The following CNOT2 variants were observed in gnomAD, a reference collection of about 807,000 sequenced individuals.
CNOT2 encodes the protein CC chemokine receptor 4-negative regulator of transcription 2.
CNOT2 carries 7 observed loss-of-function variants against 72.1 expected under a neutral mutation model. That is an observed-to-expected ratio of 0.10 (90% CI 0.06 to 0.18). The LOEUF is 0.18. Ranked by LOEUF, CNOT2 falls within the 10% of genes least tolerant of loss-of-function variation. The pLI is 1.00. For synonymous variants in CNOT2, 196 were observed against 225.6 expected, an observed-to-expected ratio of 0.87 and a Z score of 1.17; for missense variants, 345 against 660.3, an observed-to-expected ratio of 0.52 and a Z score of 5.23.
chr12:70,344,368 T>C, intron 14 of CNOT2, 140 bp downstream of exon 14: 1 of 586,630 alleles, frequency 1.7e-6, no homozygotes, highest in Non-Finnish European at 3.0e-6. Context: ...TAAAGTGAAT[T>C]TAATTTAGAT....
At chr12:70,265,121 GT>G (rs1240023440) in intron 1 of CNOT2, among the ~76,000 whole-genome samples, 1 of 151,672 alleles carries the variant, frequency 6.6e-6, no homozygotes, top group African/African-American at 2.4e-5. Context: ...TTGTTTTCTT[GT>G]TTTTAGTTTT....
intron 4 of CNOT2, among the ~76,000 whole-genome samples, chr12:70,325,126 CTGAGGAG>C (rs1345535898): frequency 2.0e-5 from 3 of 151,642 alleles, no homozygotes; most frequent in Non-Finnish European, 4.4e-5. Context: ...AGTATTCTTG[CTGAGGAG>C]TTAGATATGA....
At chr12:70,342,960 A>G (rs897620825) in intron 13 of CNOT2, among the ~76,000 whole-genome samples, 22 of 152,170 alleles carry the variant, frequency 1.4e-4, no homozygotes, top group Admixed American at 1.2e-3. Flanking sequence ...TATATATACA[A>G]CAGCATTCTG....
At chr12:70,346,376 T>C (rs766280502) in intron 15 of CNOT2, 52 bp downstream of exon 15, 2 of 1,459,584 alleles carry the variant, frequency 1.4e-6, no homozygotes, top group Non-Finnish European at 9.6e-7. Context: ...AAAAAAGAAG[T>C]GTCCTCTTTT....
chr12:70,256,582 TA>T (rs372870920), intron 1 of CNOT2, among the ~76,000 whole-genome samples: 142 of 108,426 alleles, frequency 1.3e-3, no homozygotes, highest in Middle Eastern at 4.5e-3. Flanking sequence ...GACCTGTGGG[TA>T]AAAAAAAAAA....
intron 1 of CNOT2, among the ~76,000 whole-genome samples, chr12:70,246,589 T>C (rs1957885729): frequency 6.6e-6 from 1 of 152,328 alleles, no homozygotes; most frequent in East Asian, 1.9e-4. Context: ...GAGCAGTTTC[T>C]ACCTGTGATA....
intron 4 of CNOT2, chr12:70,323,938 T>C (rs1878687488): frequency 6.6e-6 from 1 of 151,742 alleles, no homozygotes; most frequent in African/African-American, 2.4e-5. Flanking sequence ...CTAATATTTA[T>C]TGAATATTAT....
At chr12:70,279,825 T>TC (rs1869499061) in intron 2 of CNOT2, among the ~76,000 whole-genome samples, 1 of 152,182 alleles carries the variant, frequency 6.6e-6, no homozygotes, top group African/African-American at 2.4e-5. Flanking sequence ...AGAATTATGT[T>TC]TTATACATGA....
At position 70,354,774 on chromosome 12, in the gene CNOT2, G is replaced by A. The variant is rs995849230; in HGVS notation, c.*859G>A. The A allele has an allele frequency of 6.6e-6, 1 of 152,532 alleles. No homozygotes were observed. Among genetic ancestry groups the A allele is most frequent in the African/African-American group, 2.4e-5 (1 of 41,436 alleles). The allele number at this position is 152,532 out of a possible 1,614,324, so 9.4% of individuals were successfully genotyped here. A position where few individuals can be genotyped will look rare whatever the true frequency, so the allele number is the denominator to read the frequency against. On this transcript the variant is annotated 3_prime_UTR_variant, in exon 16 of 16. Transcript: ENST00000229195. ...GACATTCTGGAACTGCTGGTCAGGG[G>A]ACTTTGTCGCCCTGTGCACTAAAAG...
At chr12:70,245,751 T>G (rs1159408408) in intron 1 of CNOT2, among the ~76,000 whole-genome samples, 1 of 152,112 alleles carries the variant, frequency 6.6e-6, no homozygotes, top group Non-Finnish European at 1.5e-5. Flanking sequence ...ACAAAAAAAT[T>G]CAGAATGATA....
At chr12:70,285,766 A>G (rs1030483277) in intron 2 of CNOT2, among the ~76,000 whole-genome samples, 2 of 152,166 alleles carry the variant, frequency 1.3e-5, no homozygotes, top group Non-Finnish European at 2.9e-5. Context: ...GTTTTTATGC[A>G]TAAAATGAGA....
intron 2 of CNOT2, among the ~76,000 whole-genome samples, chr12:70,295,511 A>G (rs1255752256): frequency 6.6e-6 from 1 of 152,154 alleles, no homozygotes; most frequent in Admixed American, 6.5e-5. Flanking sequence ...TTAAGGATTT[A>G]AAATATTCTC....
intron 1 of CNOT2, among the ~76,000 whole-genome samples, chr12:70,261,608 G>A (rs1368358409): frequency 6.6e-6 from 1 of 151,678 alleles, no homozygotes; most frequent in Non-Finnish European, 1.5e-5. Context: ...GAGCTACCAC[G>A]CCTGGCCAGT....
chr12:70,296,140 C>A (rs1355839847), intron 2 of CNOT2, among the ~76,000 whole-genome samples: 1 of 152,072 alleles, frequency 6.6e-6, no homozygotes, highest in East Asian at 1.9e-4. Flanking sequence ...TCCCCTCCCC[C>A]ACCAACACAC....
chr12:70,352,248 G>A (rs370273915), intron 15 of CNOT2, among the ~76,000 whole-genome samples: 21 of 106 alleles, frequency 0.2, no homozygotes, highest in African/African-American at 0.38. Context: ...TAGGTGTGCC[G>A]CTTACTGATG....
chr12:70,324,438 G>C (rs933797386), intron 4 of CNOT2, among the ~76,000 whole-genome samples: 3 of 151,768 alleles, frequency 2.0e-5, no homozygotes, highest in Non-Finnish European at 2.9e-5. Context: ...GAAGTGATCA[G>C]ATTTGGTACA....
intron 9 of CNOT2, chr12:70,337,786 T>C: frequency 2.0e-6 from 1 of 495,556 alleles, no homozygotes; most frequent in Non-Finnish European, 3.9e-6. Context: ...TGAAGTTTGA[T>C]AATATAGCCT....
At chr12:70,313,575 A>G (rs906697155) in intron 3 of CNOT2, among the ~76,000 whole-genome samples, 14 of 152,028 alleles carry the variant, frequency 9.2e-5, no homozygotes, top group South Asian at 2.1e-4. Context: ...AGCTTATCCA[A>G]TTGCACCGAC....
intron 4 of CNOT2, chr12:70,327,586 C>G (rs1879285439): frequency 6.6e-6 from 1 of 151,520 alleles, no homozygotes; most frequent in South Asian, 2.1e-4. Context: ...AAGATCCCTT[C>G]CGGCTCTAAA....
Sources: allele counts gnomAD v4.1 joint callset (sites outside exome capture counted in the v4.1 genomes callset), GRCh38; gene constraint gnomAD v4.1.1; transcripts MANE v1.5; gene names NCBI Gene and HGNC (gene_info 2026-07-23, HGNC 2026-07-21).